Variants in IGF2BP2 observed in about 807,000 individuals in gnomAD.
The protein encoded by IGF2BP2 is insulin like growth factor 2 mRNA binding protein 2.
Under a neutral mutation model 75.8 loss-of-function variants are expected in IGF2BP2, and 17 were observed. The ratio of observed to expected loss-of-function variants is 0.22; its 90% CI spans 0.15 to 0.34. The LOEUF (loss-of-function observed/expected upper bound fraction) is 0.34. Among genes scored for constraint, IGF2BP2 ranks in the 10% least tolerant of loss-of-function variants. The pLI is 1.00. For missense variants in IGF2BP2, 516 were observed against 772.4 expected, an observed-to-expected ratio of 0.67 and a Z score of 3.93; for synonymous variants, 288 against 295.6, an observed-to-expected ratio of 0.97 and a Z score of 0.26.
intron 9 of IGF2BP2, among the ~76,000 whole-genome samples, chr3:185,673,485 C>T (rs1718841251): frequency 6.6e-6 from 1 of 152,142 alleles, no homozygotes; most frequent in African/African-American, 2.4e-5. Flanking sequence ...TAGTTGTCGG[C>T]TTTGTGATCA....
At chr3:185,675,937 A>C in intron 7 of IGF2BP2, 24 bp from the exon 8 acceptor site, 2 of 1,613,054 alleles carry the variant, frequency 1.2e-6, no homozygotes, top group South Asian at 1.1e-5. Context: ...GCAGCAAGTT[A>C]ACACTTCAGA....
At chr3:185,823,095 G>GT in intron 2 of IGF2BP2, 58 bp downstream of exon 2, 3 of 1,200,614 alleles carry the variant, frequency 2.5e-6, no homozygotes. Flanking sequence ...CTGTGTGTAC[G>GT]TTTTTTACTT....
rs869141172 is a variant in IGF2BP2, at chr3:185,665,169, T to TAA, written c.1201-6762_1201-6761dup. Among the ~76,000 whole-genome samples the TAA allele has an allele frequency of 9.8e-3, 949 of 96,742 alleles. 13 individuals carry two copies. The highest frequency in any genetic ancestry group is 0.032 in the Middle Eastern group (5 of 158). The allele number at this position is 96,742 out of a possible 152,430, so 63.5% of individuals were successfully genotyped here. ...GGTGACAGAGCAGGACCCTGTTTCT[T>TAA]AAAAAAAAAAAAAAAAAAGAGGAGA... On this transcript the variant is annotated intron_variant, in intron 10 of 15. Coordinates refer to ENST00000382199, the MANE Select transcript of IGF2BP2 (RefSeq NM_006548.6).
At chr3:185,702,726 T>TC (rs1318447669) in intron 2 of IGF2BP2, among the ~76,000 whole-genome samples, 4 of 152,002 alleles carry the variant, frequency 2.6e-5, no homozygotes, top group Non-Finnish European at 4.4e-5. Flanking sequence ...CTTCCTTGAC[T>TC]CCCTGCTGCT....
chr3:185,738,928 T>A (rs1249377768), intron 2 of IGF2BP2, among the ~76,000 whole-genome samples: 1 of 152,202 alleles, frequency 6.6e-6, no homozygotes, highest in Non-Finnish European at 1.5e-5. Flanking sequence ...TAAGTTAAGA[T>A]GAATAACTTT....
At chr3:185,767,157 G>C (rs1345207145) in intron 2 of IGF2BP2, among the ~76,000 whole-genome samples, 1 of 152,176 alleles carries the variant, frequency 6.6e-6, no homozygotes, top group African/African-American at 2.4e-5. Context: ...CAGCTCTCTT[G>C]GCAGACCAGT....
chr3:185,711,637 C>T (rs1035002668), intron 2 of IGF2BP2, among the ~76,000 whole-genome samples: 3 of 152,090 alleles, frequency 2.0e-5, no homozygotes, highest in Non-Finnish European at 4.4e-5. Flanking sequence ...TAACGGTGAA[C>T]GACCTACCTG....
chr3:185,727,995 C>A (rs1727590825), intron 2 of IGF2BP2, among the ~76,000 whole-genome samples: 1 of 152,174 alleles, frequency 6.6e-6, no homozygotes. Flanking sequence ...TTAATCAGGT[C>A]TGAACTAATG....
At chr3:185,822,507 T>C (rs1741492754) in intron 2 of IGF2BP2, among the ~76,000 whole-genome samples, 1 of 152,222 alleles carries the variant, frequency 6.6e-6, no homozygotes, top group South Asian at 2.1e-4. Context: ...TGCACTTAAA[T>C]ATAACTATAG....
At chr3:185,752,936 T>C (rs1356459824) in intron 2 of IGF2BP2, among the ~76,000 whole-genome samples, 1 of 152,166 alleles carries the variant, frequency 6.6e-6, no homozygotes, top group Non-Finnish European at 1.5e-5. Flanking sequence ...GAGGGAGAAG[T>C]AAGACATACA....
intron 2 of IGF2BP2, among the ~76,000 whole-genome samples, chr3:185,744,686 G>A (rs1730012429): frequency 6.6e-6 from 1 of 152,144 alleles, no homozygotes; most frequent in South Asian, 2.1e-4. Flanking sequence ...GCCGGCGCCT[G>A]TAATCTCAGC....
chr3:185,821,049 G>C, intron 2 of IGF2BP2: 2 of 1,535,438 alleles, frequency 1.3e-6, no homozygotes, highest in South Asian at 1.2e-5. Context: ...TAGTGTCCAG[G>C]ACATGAGAAC....
chr3:185,817,518 A>G (rs1265687734), intron 2 of IGF2BP2, among the ~76,000 whole-genome samples: 2 of 152,214 alleles, frequency 1.3e-5, no homozygotes, highest in East Asian at 1.9e-4. Flanking sequence ...AGACCAGACT[A>G]AAGTCCATGA....
At chr3:185,722,276 C>CAA (rs962228206) in intron 2 of IGF2BP2, 3 of 455,594 alleles carry the variant, frequency 6.6e-6, no homozygotes, top group Non-Finnish European at 1.3e-5. Flanking sequence ...AACTGAGGCA[C>CAA]AAAAAGAGGA....
At chr3:185,656,011 G>A (rs1715377167) in intron 12 of IGF2BP2, among the ~76,000 whole-genome samples, 1 of 152,232 alleles carries the variant, frequency 6.6e-6, no homozygotes, top group Non-Finnish European at 1.5e-5. Context: ...CCCATGTCCC[G>A]GCACTCTCTG....
intron 5 of IGF2BP2, among the ~76,000 whole-genome samples, chr3:185,690,793 A>G (rs1721844704): frequency 6.6e-6 from 1 of 152,212 alleles, no homozygotes; most frequent in African/African-American, 2.4e-5. Flanking sequence ...AAAGATATTT[A>G]TCAATTTGAT....
chr3:185,675,470 G>T, intron 8 of IGF2BP2, 39 bp from the exon 9 acceptor site: 1 of 1,584,696 alleles, frequency 6.3e-7, no homozygotes, highest in Non-Finnish European at 8.5e-7. Flanking sequence ...TGTTTTCAAC[G>T]GGAAAAATAA....
intron 2 of IGF2BP2, among the ~76,000 whole-genome samples, chr3:185,787,487 C>A (rs1462727852): frequency 6.6e-6 from 1 of 152,208 alleles, no homozygotes; most frequent in African/African-American, 2.4e-5. Context: ...AATCCCTGCA[C>A]TTTGGGAGGC....
chr3:185,730,027 T>C (rs1727930780), intron 2 of IGF2BP2, among the ~76,000 whole-genome samples: 1 of 152,208 alleles, frequency 6.6e-6, no homozygotes, highest in Non-Finnish European at 1.5e-5. Context: ...GTTTGTTACG[T>C]GGATATACTG....
Sources: gnomAD v4.1 joint callset for allele counts (sites outside exome capture counted in the v4.1 genomes callset) on GRCh38, gnomAD v4.1.1 for gene constraint, MANE v1.5 for transcripts, NCBI Gene and HGNC (gene_info 2026-07-23, HGNC 2026-07-21) for gene names.